MPZ: variants seen among roughly 807,000 people sequenced by gnomAD.
The protein encoded by MPZ is myelin protein zero, also known as myelin protein P0.
Under a neutral mutation model 27.9 loss-of-function variants are expected in MPZ, and 13 were observed. The observed-to-expected ratio is 0.47, with a 90% CI of 0.30 to 0.74. MPZ has a LOEUF of 0.74. Among genes scored for constraint, MPZ ranks in the 30% least tolerant of loss-of-function variants. The pLI is 0.06. For missense variants in MPZ, 256 were observed against 317.5 expected, an observed-to-expected ratio of 0.81 and a Z score of 1.47; for synonymous variants, 118 against 128.9, an observed-to-expected ratio of 0.92 and a Z score of 0.57.
At chr1:161,307,038 A>AAAAAAAAAAAAAAAC in intron 2 of MPZ, 117 bp from the exon 3 acceptor site, 1 of 863,602 alleles carries the variant, frequency 1.2e-6, no homozygotes, top group South Asian at 1.6e-5. Flanking sequence ...AAAAAAAAAA[A>AAAAAAAAAAAAAAAC]GCTTCGCTCC....
chr1:161,308,417 G>A lies in MPZ; in HGVS notation c.68-993C>T, dbSNP rs16832793. On this transcript the variant is annotated intron_variant, in intron 1 of 5. Transcript: ENST00000533357. ...CCCCAAGACTTACCCACACAAGGAAGGTCATTCCAGAGAGACTATGTGTGT... is the reference window on the plus strand; with the variant it reads ...CCCCAAGACTTACCCACACAAGGAAAGTCATTCCAGAGAGACTATGTGTGT... Among the ~76,000 whole-genome samples, 528 of 152,276 alleles carry A rather than the reference G, an allele frequency of 3.5e-3. 12 individuals are homozygous for A. The highest frequency in any genetic ancestry group is 0.033 in the South Asian group (160 of 4,826).
rs533109127 is a variant in MPZ at position 161,305,844 on chromosome 1, A to C, written c.*32T>G. 1 of 1,523,730 alleles carries C rather than the reference A, an allele frequency of 6.6e-7. No homozygotes were observed. Among genetic ancestry groups the C allele is most frequent in the South Asian group, 1.1e-5 (1 of 87,212 alleles). The allele number at this position is 1,523,730 out of a possible 1,614,324, so 94.4% of individuals were successfully genotyped here. Reference sequence around the variant, plus strand: ...TGGGCCTTTGGCGGACTCCACCCCTAACCCCCGATCCCCCGCCCGGCCCGC... The same window carrying C: ...TGGGCCTTTGGCGGACTCCACCCCTCACCCCCGATCCCCCGCCCGGCCCGC... On this transcript the variant is annotated 3_prime_UTR_variant, in exon 6 of 6. Coordinates refer to ENST00000533357, the MANE Select transcript of MPZ (RefSeq NM_000530.8).
chr1:161,307,014 CAAAAAAAAAAA>C (rs34621933), intron 2 of MPZ, 93 bp from the exon 3 acceptor site: 490 of 232,370 alleles, frequency 2.1e-3, no homozygotes, highest in Non-Finnish European at 3.1e-3. Flanking sequence ...AAGAAAAAAG[CAAAAAAAAAAA>C]AAAAAAAAAA....
Position 161,309,968 on chromosome 1 carries a change from T to C in MPZ, c.-63A>G. ...GTTGAGAAAGTGGGGGACCAGGAAC[T>C]GAACGGGGGGTTCCTGGAACCTGCT... is the stretch of plus-strand genomic sequence containing the variant. On this transcript the variant is annotated 5_prime_UTR_variant, in exon 1 of 6. Transcript: ENST00000533357. 1.6e-6 allele frequency: 2 copies of C among 1,246,320 alleles called. No homozygotes were observed. The highest frequency in any genetic ancestry group is 2.3e-6 in the Non-Finnish European group (2 of 873,978). 77.2% of individuals were successfully genotyped at this position (1,246,320 alleles called of 1,614,324 possible).
rs1265374934 is a variant in MPZ at position 161,306,332 on chromosome 1, A to G, written c.581T>C (p.Leu194Pro). ...LRRQAALQRR[L>P]SAMEKGKLHK... is the part of the protein sequence containing the mutation. ...GGAGCTAGGCTCCGCCCCTTACCTG[A>G]GCCTCCTCTGCAGGGCCGCCTGCCT... Residue 194 changes from leucine to proline, a missense_variant, in exon 4 of 6, where the codon CTC (leucine) becomes CCC (proline). Transcript: ENST00000533357. The G allele has an allele frequency of 6.2e-7, 1 of 1,614,094 alleles. No homozygotes were observed. Among genetic ancestry groups the G allele is most frequent in the Admixed American group, 1.7e-5 (1 of 60,008 alleles).
intron 2 of MPZ, 123 bp from the exon 3 acceptor site, chr1:161,307,044 G>A (rs1413097849): frequency 4.8e-6 from 4 of 830,912 alleles, no homozygotes; most frequent in South Asian, 1.6e-5. Flanking sequence ...AAAAAGCTTC[G>A]CTCCAGCCTC....
chr1:161,306,726 G>C lies in MPZ; in HGVS notation c.430C>G (p.Leu144Val). 6.2e-7 allele frequency: 1 copy of C among 1,613,966 alleles called. No homozygotes were observed. The highest frequency in any genetic ancestry group is 2.2e-5 in the East Asian group (1 of 44,870). The change falls in exon 3 of 6, where the codon CTG becomes GTG. Residue 144 changes from leucine (L) to valine (V), a missense_variant. Physicochemically the swap from Leu to Val is conservative, Grantham distance 32 (BLOSUM62 1). Coordinates refer to ENST00000533357, the MANE Select transcript of MPZ (RefSeq NM_000530.8). ...DIVGKTSQVT[L>V]YVFEKVPTRY... Reference sequence around the variant, plus strand: ...CTCACACCTTTTTCAAAGACATACAGCGTGACCTGAGAGGTCTTGCCCACT... The same window carrying C: ...CTCACACCTTTTTCAAAGACATACACCGTGACCTGAGAGGTCTTGCCCACT...
chr1:161,305,940 C>T lies in MPZ; in HGVS notation c.683G>A (p.Ser228Asn), dbSNP rs773002116. The part of the protein sequence containing the change: ...VLYAMLDHSR[S>N]TKAVSEKKAK... ...CTTCTTCTCACTGACAGCTTTGGTG[C>T]TTCTGCTGTGGTCCAGCATTGCATA... The change falls in exon 6 of 6, where the codon AGC (serine) becomes AAC (asparagine). Residue 228 changes from serine to asparagine, a missense_variant. Ser to Asn is a conservative substitution (Grantham distance 46). Around this residue, in one of 2 missense-constraint regions of MPZ, gnomAD observed 101 missense variants for 93.6 expected, o/e 1.08. Transcript: ENST00000533357. 1.2e-6 allele frequency: 2 copies of T among 1,614,028 alleles called. No individual in the cohort carries two copies. Among genetic ancestry groups the T allele is most frequent in the South Asian group, 2.2e-5 (2 of 91,086 alleles).
At chr1:161,306,074 T>G in intron 5 of MPZ, 34 bp downstream of exon 5, 1 of 1,613,518 alleles carries the variant, frequency 6.2e-7, no homozygotes, top group South Asian at 1.1e-5. Context: ...AGGGTTCTCC[T>G]TCCCATCTTG....
At chr1:161,309,721 A>G (rs1024826409) in intron 1 of MPZ, 118 bp downstream of exon 1, 1 of 861,114 alleles carries the variant, frequency 1.2e-6, no homozygotes, top group Non-Finnish European at 1.9e-6. Context: ...ATATAATGTC[A>G]CCTTCCTGCT....
chr1:161,307,629 T>C (rs1670296240), intron 1 of MPZ, among the ~76,000 whole-genome samples: 1 of 152,258 alleles, frequency 6.6e-6, no homozygotes, highest in Non-Finnish European at 1.5e-5. Context: ...TTAGCATGTC[T>C]GTAGAGAAGA....
Position 161,305,884 on chromosome 1 carries a change from TA to T in MPZ, c.738del (p.Asp246GlufsTer6). 1 of 1,613,406 alleles carries T rather than the reference TA, an allele frequency of 6.2e-7. No individual in the cohort carries two copies. ...KAKGLGESRK[D>X]KK ...GCCCGGCCCGCTAACCGCTATTTCTTATCCTTGCGAGACTCCCCCAGCCCCT... is the reference window on the plus strand; with the variant it reads ...GCCCGGCCCGCTAACCGCTATTTCTTTCCTTGCGAGACTCCCCCAGCCCCT... On this transcript the variant is annotated frameshift_variant, in exon 6 of 6. Coordinates refer to ENST00000533357, the MANE Select transcript of MPZ (RefSeq NM_000530.8). LOFTEE classifies it high-confidence loss of function.
intron 1 of MPZ, among the ~76,000 whole-genome samples, chr1:161,308,484 T>C (rs1012074668): frequency 2.0e-5 from 3 of 152,196 alleles, no homozygotes; most frequent in African/African-American, 7.2e-5. Context: ...CTTTTTGTTC[T>C]ACAGGAGGGG....
rs1670213240 is a variant in MPZ, at chr1:161,305,578, T to C, written c.*298A>G. Reference sequence around the variant, plus strand: ...ATGAAACTTACATCTCAAAGGGAGGTGAGGGCAGGGCAGGGCGGGGGAGCA... The same window carrying C: ...ATGAAACTTACATCTCAAAGGGAGGCGAGGGCAGGGCAGGGCGGGGGAGCA... On this transcript the variant is annotated 3_prime_UTR_variant, in exon 6 of 6. Coordinates refer to ENST00000533357, the MANE Select transcript of MPZ (RefSeq NM_000530.8). The C allele has an allele frequency of 5.2e-6, 2 of 385,248 alleles. No homozygotes were observed. Among genetic ancestry groups the C allele is most frequent in the Non-Finnish European group, 9.0e-6 (2 of 222,842 alleles). The allele number at this position is 385,248 out of a possible 1,614,324, so 23.9% of individuals were successfully genotyped here. A position where few individuals can be genotyped will look rare whatever the true frequency, so the allele number is the denominator to read the frequency against.
rs145039212 is a variant in MPZ, at chr1:161,306,839, C to G, written c.317G>C (p.Arg106Pro). The change falls in exon 3 of 6, where the codon CGC becomes CCC. Residue 106 changes from arginine to proline, a missense_variant. Physicochemically the swap from Arg to Pro is moderately radical, Grantham distance 103. Coordinates refer to ENST00000533357, the MANE Select transcript of MPZ (RefSeq NM_000530.8). ...KERIQWVGDP[R>P]WKDGSIVIHN... is the part of the protein sequence containing the mutation. ...TATGACAATGGAGCCATCCTTCCAG[C>G]GAGGGTCCCCTACCCACTGGATGCG... The G allele has an allele frequency of 1.2e-6, 2 of 1,613,896 alleles. No homozygotes were observed. The highest frequency in any genetic ancestry group is 1.7e-6 in the Non-Finnish European group (2 of 1,179,948).
Position 161,304,858 on chromosome 1 carries a change from G to A in MPZ, c.*1018C>T, listed in dbSNP as rs185093979. On this transcript the variant is annotated 3_prime_UTR_variant, in exon 6 of 6. Coordinates refer to ENST00000533357, the MANE Select transcript of MPZ (RefSeq NM_000530.8). ...GCAGTGCAGCCTCTTCCTCCCCCCC[G>A]CCCCCCCATTTCCCATTTGTTTTTC... The A allele has an allele frequency of 1.8e-4, 15 of 81,554 alleles. No individual in the cohort carries two copies. In the East Asian group the frequency reaches 2.6e-3, roughly 14 times the overall value. The allele number at this position is 81,554 out of a possible 1,614,324, so 5.1% of individuals were successfully genotyped here.
In MPZ at chr1:161,307,259, G is replaced by A. The variant is rs121913601; in HGVS notation, c.233C>T (p.Ser78Leu). 1.9e-6 allele frequency: 3 copies of A among 1,614,202 alleles called. No individual in the cohort carries two copies. Among genetic ancestry groups the A allele is most frequent in the Non-Finnish European group, 1.7e-6 (2 of 1,180,038 alleles). Reference sequence around the variant, plus strand: ...CCCAGGATTCCCCCAGGCACTCACCGAAATGGCATCTCTGCCCCCTTCGGG... The same window carrying A: ...CCCAGGATTCCCCCAGGCACTCACCAAAATGGCATCTCTGCCCCCTTCGGG... ...YQPEGGRDAISIFHYAKGQPY... is the reference protein window; with the variant it reads ...YQPEGGRDAILIFHYAKGQPY... Residue 78 changes from serine to leucine, a missense_variant and splice_region_variant, in exon 2 of 6, where the codon TCG becomes TTG. Around this residue, in one of 2 missense-constraint regions of MPZ, gnomAD observed 155 missense variants for 223.9 expected, o/e 0.69. Coordinates refer to ENST00000533357, the MANE Select transcript of MPZ (RefSeq NM_000530.8).
intron 1 of MPZ, 50 bp downstream of exon 1, chr1:161,309,789 T>C (rs1380903436): frequency 1.4e-6 from 2 of 1,456,098 alleles, no homozygotes; most frequent in Admixed American, 3.9e-5. Context: ...TGGGGATTGC[T>C]GAGAGACACC....
intron 5 of MPZ, 42 bp downstream of exon 5, chr1:161,306,066 G>A (rs1202858370): frequency 6.2e-7 from 1 of 1,613,262 alleles, no homozygotes; most frequent in Admixed American, 1.7e-5. Flanking sequence ...CGGCTCCCAG[G>A]GTTCTCCTTC....
Sources: allele counts gnomAD v4.1 joint callset (sites outside exome capture counted in the v4.1 genomes callset), GRCh38; gene constraint gnomAD v4.1.1; regional missense constraint gnomAD v4.1.1; transcripts MANE v1.5; gene names NCBI Gene and HGNC (gene_info 2026-07-23, HGNC 2026-07-21).